Variants in CFAP47 observed in about 807,000 individuals in gnomAD.
CFAP47 encodes cilia and flagella associated protein 47.
In CFAP47, 29 loss-of-function variants were observed where a neutral mutation model predicts 148.1. The observed-to-expected ratio is 0.20, with a 90% CI of 0.15 to 0.27. The LOEUF is 0.27. Ranked by LOEUF, CFAP47 falls within the 10% of genes least tolerant of loss-of-function variation. The pLI is 1.00. For synonymous variants in CFAP47, 664 were observed against 577.3 expected, an observed-to-expected ratio of 1.15 and a Z score of -2.15; for missense variants, 1,872 against 1,697.5, an observed-to-expected ratio of 1.10 and a Z score of -1.81.
At chrX:36,344,915 C>A (rs62592506) in intron 57 of CFAP47, among the ~76,000 whole-genome samples, 11,824 of 111,157 alleles carry the variant, frequency 0.11, 518 homozygotes, top group East Asian at 0.26. Context: ...GCACTTATGA[C>A]CTGTGAAATA....
intron 57 of CFAP47, among the ~76,000 whole-genome samples, chrX:36,347,179 A>G (rs1941705006): frequency 8.9e-6 from 1 of 112,391 alleles, no homozygotes; most frequent in African/African-American, 3.2e-5. Flanking sequence ...CAGACATACA[A>G]AAAATGCTCA....
At chrX:35,948,570 TC>T in intron 4 of CFAP47, 118 bp downstream of exon 4, 1 of 566,221 alleles carries the variant, frequency 1.8e-6, no homozygotes, top group South Asian at 3.5e-5. Flanking sequence ...TCAGCGTTGT[TC>T]ATTGAGTCTC....
intron 49 of CFAP47, among the ~76,000 whole-genome samples, chrX:36,268,518 GGAA>G (rs1940921680): frequency 8.9e-6 from 1 of 112,557 alleles, no homozygotes; most frequent in Non-Finnish European, 1.9e-5. Flanking sequence ...GGTTACTTTA[GGAA>G]GAAGGTTCCA....
chrX:36,011,947 T>G (rs1421750211), intron 21 of CFAP47, among the ~76,000 whole-genome samples: 2 of 111,898 alleles, frequency 1.8e-5, no homozygotes, highest in East Asian at 5.6e-4. Flanking sequence ...CCCGAATGGT[T>G]TTGCCTAGGT....
intron 4 of CFAP47, 60 bp from the exon 5 acceptor site, chrX:35,951,067 AAAAC>A: frequency 1.2e-6 from 1 of 826,763 alleles, no homozygotes; most frequent in South Asian, 2.6e-5. Context: ...GTGTGGGAGA[AAAAC>A]AAAGTATATA....
intron 49 of CFAP47, among the ~76,000 whole-genome samples, chrX:36,256,912 GT>G (rs1177842149): frequency 8.9e-6 from 1 of 112,065 alleles, no homozygotes; most frequent in Non-Finnish European, 1.9e-5. Context: ...GATTCATGCT[GT>G]TTTAGTTTCT....
At position 35,987,914 on chromosome X, in the gene CFAP47, C is replaced by T. The variant is rs1220209486; in HGVS notation, c.2714-1405C>T. Reference sequence around the variant, plus strand: ...GGTGAGGTGACACCCCACCCTGCTTCGGCTTGCCTTCTGTGGGCTGCACCC... The same window carrying T: ...GGTGAGGTGACACCCCACCCTGCTTTGGCTTGCCTTCTGTGGGCTGCACCC... On this transcript the variant is annotated intron_variant, in intron 15 of 63. Coordinates refer to ENST00000378653, the MANE Select transcript of CFAP47 (RefSeq NM_001304548.2). Among the ~76,000 whole-genome samples, 7 of 111,405 alleles carry T rather than the reference C, an allele frequency of 6.3e-5. No individual in the cohort carries two copies. In the East Asian group the frequency reaches 1.1e-3, roughly 18 times the overall value.
In CFAP47 at chrX:36,371,899, T is replaced by C. The variant is rs1556021886; in HGVS notation, c.9185+4772T>C. 2.6e-5 allele frequency among the ~76,000 whole-genome samples: 2 copies of C among 78,190 alleles called. 1 individual carries two copies. The highest frequency in any genetic ancestry group is 2.6e-4 in the Admixed American group (2 of 7,651). 67.9% of individuals were successfully genotyped at this position (78,190 alleles called of 115,157 possible). A position where few individuals can be genotyped will look rare whatever the true frequency, so the allele number is the denominator to read the frequency against. On this transcript the variant is annotated intron_variant, in intron 62 of 63. Coordinates refer to ENST00000378653, the MANE Select transcript of CFAP47 (RefSeq NM_001304548.2). Reference sequence around the variant, plus strand: ...GTATATATGTGTGCATATACACACATGTGTATATATGTGTGTATATATGTG... The same window carrying C: ...GTATATATGTGTGCATATACACACACGTGTATATATGTGTGTATATATGTG...
At chrX:36,121,768 T>A (rs1938748832) in intron 33 of CFAP47, among the ~76,000 whole-genome samples, 1 of 111,741 alleles carries the variant, frequency 8.9e-6, no homozygotes, top group Admixed American at 9.5e-5. Context: ...TTATTAGTTT[T>A]AATTGGCTCA....
chrX:36,206,728 C>T (rs1602046888), intron 45 of CFAP47, among the ~76,000 whole-genome samples: 1 of 111,576 alleles, frequency 9.0e-6, no homozygotes, highest in Admixed American at 9.5e-5. Context: ...TTTAAGTTAT[C>T]TACATTTAAA....
chrX:36,175,302 A>G (rs763219170), intron 39 of CFAP47, among the ~76,000 whole-genome samples: 11 of 112,306 alleles, frequency 9.8e-5, no homozygotes, highest in Non-Finnish European at 2.1e-4. Flanking sequence ...CTCTCAGCTC[A>G]TCAAGGTCAT....
chrX:36,384,646 C>A, intron 63 of CFAP47, 151 bp from the exon 64 acceptor site: 1 of 414,734 alleles, frequency 2.4e-6, no homozygotes, highest in Non-Finnish European at 4.2e-6. Context: ...CTTTATTTTC[C>A]ACATTAATTG....
At position 35,975,543 on chromosome X, in the gene CFAP47, ATAAT is replaced by A. The variant is rs1404592962; in HGVS notation, c.2472-125_2472-122del. On this transcript the variant is annotated intron_variant, in intron 14 of 63. Coordinates refer to ENST00000378653, the MANE Select transcript of CFAP47 (RefSeq NM_001304548.2). ...TTTAGTAGCAATCTAATTATCTTTC[ATAAT>A]TAAAGTATTACGTGCTAAGAATTGT... 41 of 735,294 alleles carry A rather than the reference ATAAT, an allele frequency of 5.6e-5. No individual in the cohort carries two copies. The East Asian group carries it at 1.3e-3, about 23-fold the overall frequency. The allele number at this position is 735,294 out of a possible 1,213,427, so 60.6% of individuals were successfully genotyped here.
At chrX:36,013,439 C>T (rs184834951) in intron 21 of CFAP47, among the ~76,000 whole-genome samples, 2 of 111,634 alleles carry the variant, frequency 1.8e-5, no homozygotes, top group East Asian at 5.7e-4. Context: ...AAGTCTCTTT[C>T]GGATATATGA....
At chrX:36,114,100 T>C (rs1938599688) in intron 33 of CFAP47, among the ~76,000 whole-genome samples, 2 of 111,702 alleles carry the variant, frequency 1.8e-5, no homozygotes, top group South Asian at 7.5e-4. Context: ...AGAAAGCCAG[T>C]CTTCAAGCTC....
At chrX:35,924,355 G>A (rs759586880) in intron 1 of CFAP47, among the ~76,000 whole-genome samples, 2 of 100,753 alleles carry the variant, frequency 2.0e-5, no homozygotes, top group East Asian at 6.0e-4. Context: ...GTGCATATGT[G>A]TATATATGTA....
intron 39 of CFAP47, 80 bp downstream of exon 39, chrX:36,160,849 TC>T (rs878964500): frequency 8.3e-6 from 2 of 242,074 alleles, no homozygotes; most frequent in Non-Finnish European, 1.4e-5. Context: ...TTTCTTTCTT[TC>T]TTTTTTTTTT....
chrX:36,051,735 T>A (rs1046727413), intron 26 of CFAP47, among the ~76,000 whole-genome samples: 20 of 111,378 alleles, frequency 1.8e-4, no homozygotes, highest in African/African-American at 5.9e-4. Context: ...TGATTGGTTT[T>A]AAAATGTGAG....
intron 60 of CFAP47, among the ~76,000 whole-genome samples, chrX:36,360,337 G>T (rs1311902479): frequency 9.0e-6 from 1 of 111,541 alleles, no homozygotes; most frequent in Non-Finnish European, 1.9e-5. Flanking sequence ...GTGTAGGCCT[G>T]GTGCCTGGGT....
Sources: gnomAD v4.1 joint callset for allele counts (sites outside exome capture counted in the v4.1 genomes callset) on GRCh38, gnomAD v4.1.1 for gene constraint, MANE v1.5 for transcripts, NCBI Gene and HGNC (gene_info 2026-07-23, HGNC 2026-07-21) for gene names.